The following MCC variants were observed in gnomAD, a reference collection of about 807,000 sequenced individuals.
MCC encodes MCC regulator of Wnt signaling pathway.
MCC carries 90 observed loss-of-function variants against 116.2 expected under a neutral mutation model. The ratio of observed to expected loss-of-function variants is 0.77; its 90% confidence interval spans 0.65 to 0.92. MCC has a LOEUF of 0.92. MCC is among the 40% of genes least tolerant of loss of function. The pLI, the probability that MCC is intolerant of heterozygous loss-of-function variation, is 0.00. For missense variants in MCC, 1,516 were observed against 1,312.2 expected, an observed-to-expected ratio of 1.16 and a Z score of -2.40; for synonymous variants, 578 against 510.5, an observed-to-expected ratio of 1.13 and a Z score of -1.78.
At chr5:113,415,171 C>A (rs1770107774) in intron 1 of MCC, among the ~76,000 whole-genome samples, 1 of 152,188 alleles carries the variant, frequency 6.6e-6, no homozygotes, top group Non-Finnish European at 1.5e-5. Context: ...TGTGGGTAAC[C>A]CGACCCTTCT....
Position 113,443,693 on chromosome 5 carries a change from C to A in MCC, c.170+44552G>T, listed in dbSNP as rs1437089519. Among the ~76,000 whole-genome samples the A allele has an allele frequency of 2.6e-5, 4 of 152,050 alleles. No homozygotes were observed. The East Asian group carries it at 7.7e-4, about 29-fold the overall frequency. On this transcript the variant is annotated intron_variant, in intron 1 of 18. Transcript: ENST00000408903. ...CCATTGATACCTAGTTTATTGAGAG[C>A]TTTTAGCATGAAGGGGTGTTGAATT...
intron 17 of MCC, among the ~76,000 whole-genome samples, chr5:113,034,012 G>A (rs1371039645): frequency 6.6e-6 from 1 of 152,122 alleles, no homozygotes; most frequent in Non-Finnish European, 1.5e-5. Context: ...TCAGCCTCCT[G>A]AGTGGCTGGG....
intron 1 of MCC, among the ~76,000 whole-genome samples, chr5:113,419,913 C>G (rs1770277244): frequency 6.7e-6 from 1 of 149,230 alleles, no homozygotes; most frequent in South Asian, 2.1e-4. Context: ...GGAGATATAC[C>G]TAATGCTAAA....
chr5:113,193,465 T>G (rs78404111), intron 3 of MCC, among the ~76,000 whole-genome samples: 7,488 of 152,264 alleles, frequency 0.049, 227 homozygotes, highest in Non-Finnish European at 0.057. Context: ...TTTGTCTACA[T>G]TCTTTCCATA....
chr5:113,424,440 T>C (rs902660714), intron 1 of MCC, among the ~76,000 whole-genome samples: 4 of 152,046 alleles, frequency 2.6e-5, no homozygotes, highest in Non-Finnish European at 5.9e-5. Flanking sequence ...TCAGTCCAGG[T>C]GTGATGGCTC....
intron 2 of MCC, among the ~76,000 whole-genome samples, chr5:113,347,024 CACAG>C (rs1768151405): frequency 6.6e-6 from 1 of 151,794 alleles, no homozygotes; most frequent in African/African-American, 2.4e-5. Context: ...TAAAGACCTT[CACAG>C]ACAAACAGAA....
intron 8 of MCC, among the ~76,000 whole-genome samples, chr5:113,091,606 G>C (rs530734564): frequency 6.6e-6 from 1 of 152,308 alleles, no homozygotes; most frequent in South Asian, 2.1e-4. Flanking sequence ...TGTGGGGCTA[G>C]GCACGGTGGC....
Position 113,202,861 on chromosome 5 carries a change from A to T in MCC, c.628-51439T>A, listed in dbSNP as rs1403694812. On this transcript the variant is annotated intron_variant, in intron 3 of 18. Transcript: ENST00000408903. The stretch of plus-strand genomic sequence containing the variant: ...TTGAACTTTATGGCGTCCGTGTTAG[A>T]AGAGTGACTTGACATATTCTCAACC... 3.3e-5 allele frequency among the ~76,000 whole-genome samples: 5 copies of T among 151,992 alleles called. No individual in the cohort carries two copies. In the East Asian group the frequency reaches 9.7e-4, roughly 29 times the overall value.
chr5:113,302,255 C>CA (rs142584118), intron 3 of MCC, among the ~76,000 whole-genome samples: 17 of 151,392 alleles, frequency 1.1e-4, no homozygotes, highest in Admixed American at 3.3e-4. Context: ...ACATTAACCA[C>CA]AAAAAAAACC....
chr5:113,327,234 G>A (rs550311137), intron 3 of MCC, among the ~76,000 whole-genome samples: 2 of 152,052 alleles, frequency 1.3e-5, no homozygotes, highest in South Asian at 2.1e-4. Flanking sequence ...GTGTGTGTTG[G>A]GGGGTGGGAT....
intron 5 of MCC, among the ~76,000 whole-genome samples, chr5:113,132,397 T>TAC (rs372593344): frequency 4.4e-5 from 3 of 68,444 alleles, no homozygotes; most frequent in East Asian, 6.6e-4. Context: ...CATATATATA[T>TAC]ACATACATAC....
intron 2 of MCC, among the ~76,000 whole-genome samples, chr5:113,362,405 A>G (rs1486049064): frequency 6.6e-6 from 1 of 152,228 alleles, no homozygotes; most frequent in Non-Finnish European, 1.5e-5. Flanking sequence ...AATGTTCCAT[A>G]TACATTTGAA....
intron 3 of MCC, among the ~76,000 whole-genome samples, chr5:113,326,318 T>C (rs1041196255): frequency 6.6e-6 from 1 of 152,214 alleles, no homozygotes; most frequent in Non-Finnish European, 1.5e-5. Flanking sequence ...CCACTTGTGC[T>C]ACTATAACAA....
At chr5:113,135,901 C>T (rs1212945920) in intron 5 of MCC, among the ~76,000 whole-genome samples, 1 of 151,946 alleles carries the variant, frequency 6.6e-6, no homozygotes, top group East Asian at 1.9e-4. Flanking sequence ...AAAAAGTAGG[C>T]GGGCATGGTG....
At chr5:113,415,785 C>T (rs949005278) in intron 1 of MCC, among the ~76,000 whole-genome samples, 1 of 152,232 alleles carries the variant, frequency 6.6e-6, no homozygotes, top group African/African-American at 2.4e-5. Context: ...TTGTCAAAGT[C>T]ATTCTCCGTC....
chr5:113,223,878 C>T (rs1418755994), intron 3 of MCC, among the ~76,000 whole-genome samples: 1 of 152,064 alleles, frequency 6.6e-6, no homozygotes, highest in African/African-American at 2.4e-5. Context: ...TGGCACTCCC[C>T]ACAAACCTTC....
intron 5 of MCC, among the ~76,000 whole-genome samples, chr5:113,138,630 T>C (rs938393677): frequency 6.6e-6 from 1 of 152,210 alleles, no homozygotes; most frequent in Non-Finnish European, 1.5e-5. Context: ...AGCCACCTTG[T>C]CTATGATATT....
chr5:113,031,253 C>T (rs1423457185), intron 17 of MCC, among the ~76,000 whole-genome samples: 1 of 152,162 alleles, frequency 6.6e-6, no homozygotes, highest in Non-Finnish European at 1.5e-5. Context: ...CTCCTACCCG[C>T]CTCTGCTAAG....
intron 3 of MCC, among the ~76,000 whole-genome samples, chr5:113,238,112 T>C (rs1301746444): frequency 6.6e-6 from 1 of 152,114 alleles, no homozygotes; most frequent in Non-Finnish European, 1.5e-5. Flanking sequence ...ATGGCATAAG[T>C]AGCACTCACA....
Sources: allele counts gnomAD v4.1 joint callset (sites outside exome capture counted in the v4.1 genomes callset), GRCh38; gene constraint gnomAD v4.1.1; transcripts MANE v1.5; gene names NCBI Gene and HGNC (gene_info 2026-07-23, HGNC 2026-07-21).